SNX18: variants seen among roughly 807,000 people sequenced by gnomAD.
SNX18 encodes sorting nexin 18.
Under a neutral mutation model 48.7 loss-of-function variants are expected in SNX18, and 35 were observed. The observed-to-expected ratio is 0.72, with a 90% CI of 0.55 to 0.95. The LOEUF is 0.95. Ranked by LOEUF, SNX18 falls within the 40% of genes least tolerant of loss-of-function variation. SNX18 has a pLI of 0.00. For synonymous variants in SNX18, 492 were observed against 384.7 expected (o/e 1.28, Z -3.26); for missense variants, 824 against 871.0 (o/e 0.95, Z 0.68).
the SNX18 span, among the ~76,000 whole-genome samples, chr5:54,611,009 C>T: frequency 1.3e-5 from 2 of 152,172 alleles, no homozygotes. Context: ...TAATCCAGAA[C>T]AGAACAGACT....
chr5:54,604,747 A>C, the SNX18 span, among the ~76,000 whole-genome samples: 1 of 152,198 alleles, frequency 6.6e-6, no homozygotes, highest in Non-Finnish European at 1.5e-5. Flanking sequence ...TGTATACTTT[A>C]AAAAATGGTT....
the SNX18 span, among the ~76,000 whole-genome samples, chr5:54,618,830 A>G: frequency 6.6e-6 from 1 of 151,544 alleles, no homozygotes; most frequent in African/African-American, 2.4e-5. Flanking sequence ...GCTAAAAAAA[A>G]TCAATAAGTA....
the SNX18 span, among the ~76,000 whole-genome samples, chr5:54,575,433 C>A: frequency 7.1e-5 from 10 of 140,392 alleles, no homozygotes; most frequent in Non-Finnish European, 1.0e-4. Flanking sequence ...AGTGCAGTGG[C>A]ATGATCTCAG....
intron 1 of SNX18, among the ~76,000 whole-genome samples, chr5:54,522,974 G>A (rs1000586166): frequency 3.9e-5 from 6 of 152,176 alleles, no homozygotes; most frequent in African/African-American, 7.2e-5. Flanking sequence ...GGAGTTGAGC[G>A]AAGAAAGACG....
chr5:54,596,303 G>A, the SNX18 span, among the ~76,000 whole-genome samples: 3 of 152,016 alleles, frequency 2.0e-5, no homozygotes, highest in African/African-American at 2.4e-5. Context: ...CCCGTCTGAG[G>A]GCCAGCACTA....
At chr5:54,607,375 C>T in the SNX18 span, among the ~76,000 whole-genome samples, 2 of 152,172 alleles carry the variant, frequency 1.3e-5, no homozygotes, top group Non-Finnish European at 2.9e-5. Context: ...GGGAAGCTTT[C>T]CCAGCTGTCT....
Position 54,519,474 on chromosome 5 carries a change from G to T in SNX18, c.1522G>T (p.Ala508Ser), listed in dbSNP as rs1423244826. Residue 508 changes from alanine (A) to serine (S), a missense_variant, in exon 1 of 2, where the codon GCG becomes TCG. Ala to Ser is a moderately conservative substitution (Grantham distance 99, BLOSUM62 1). Transcript: ENST00000381410. ...DAYDAIGELF[A>S]EQPRQDLDPV... ...CTATGACGCCATTGGCGAGCTCTTC[G>T]CGGAGCAGCCCAGGCAGGACCTGGA... is the stretch of plus-strand genomic sequence containing the variant. 6.2e-7 allele frequency: 1 copy of T among 1,614,168 alleles called. No homozygotes were observed. The highest frequency in any genetic ancestry group is 1.7e-5 in the Admixed American group (1 of 60,020).
chr5:54,593,601 A>G, the SNX18 span, among the ~76,000 whole-genome samples: 2 of 152,242 alleles, frequency 1.3e-5, no homozygotes, highest in Non-Finnish European at 2.9e-5. Flanking sequence ...CAAATTTGAG[A>G]AAGATGAACG....
the SNX18 span, among the ~76,000 whole-genome samples, chr5:54,576,810 T>C: frequency 4.4e-4 from 53 of 120,400 alleles, no homozygotes; most frequent in African/African-American, 1.4e-3. Flanking sequence ...TGCTTGCTTG[T>C]TTGTCTTTTG....
the SNX18 span, among the ~76,000 whole-genome samples, chr5:54,554,179 C>T: frequency 6.6e-6 from 1 of 152,228 alleles, no homozygotes; most frequent in Non-Finnish European, 1.5e-5. Context: ...AAACAAATAT[C>T]TGCAAATGAG....
chr5:54,532,319 C>CTTTTT (rs57856245), intron 1 of SNX18, among the ~76,000 whole-genome samples: 2 of 130,992 alleles, frequency 1.5e-5, no homozygotes, highest in African/African-American at 2.9e-5. Context: ...TTTTTTTTTT[C>CTTTTT]TTTTTTTTTT....
chr5:54,603,970 C>T, the SNX18 span, among the ~76,000 whole-genome samples: 2 of 152,190 alleles, frequency 1.3e-5, no homozygotes, highest in African/African-American at 2.4e-5. Context: ...AGAACACTAA[C>T]AATTACTGAA....
chr5:54,543,490 A>G lies in SNX18; in HGVS notation c.*58A>G. On this transcript the variant is annotated 3_prime_UTR_variant, in exon 2 of 2. Transcript: ENST00000381410. ...TCAAGGATAATTTCTACAGCAGAAT[A>G]AAAACTGCTGTCAAAGAGCTATTGC... The G allele has an allele frequency of 6.4e-7, 1 of 1,572,378 alleles. No individual in the cohort carries two copies. The highest frequency in any genetic ancestry group is 8.6e-7 in the Non-Finnish European group (1 of 1,157,710).
downstream of SNX18, among the ~76,000 whole-genome samples, chr5:54,549,184 A>C: frequency 6.6e-6 from 1 of 152,236 alleles, no homozygotes; most frequent in East Asian, 1.9e-4. Flanking sequence ...TGGCAGGTGG[A>C]AAGCCCTGAG....
intron 1 of SNX18, 134 bp downstream of exon 1, chr5:54,519,707 C>T: frequency 6.2e-7 from 1 of 1,614,198 alleles, no homozygotes; most frequent in East Asian, 2.2e-5. Context: ...ACGTGGACGC[C>T]TGGGTCTTTT....
chr5:54,519,698 C>T (rs2112834606), intron 1 of SNX18, 125 bp downstream of exon 1: 1 of 1,614,180 alleles, frequency 6.2e-7, no homozygotes, highest in East Asian at 2.2e-5. Context: ...CGAGCAGAGA[C>T]GTGGACGCCT....
At chr5:54,636,794 C>G in the SNX18 span, among the ~76,000 whole-genome samples, 1 of 152,290 alleles carries the variant, frequency 6.6e-6, no homozygotes, top group South Asian at 2.1e-4. Flanking sequence ...ATATTAAGCA[C>G]TTTAGAACTC....
At chr5:54,564,938 TA>T in the SNX18 span, among the ~76,000 whole-genome samples, 1 of 152,128 alleles carries the variant, frequency 6.6e-6, no homozygotes, top group Non-Finnish European at 1.5e-5. Context: ...GGGTCTAGGG[TA>T]AAATTCGTTT....
the SNX18 span, among the ~76,000 whole-genome samples, chr5:54,630,147 T>C: frequency 2.0e-5 from 3 of 152,160 alleles, no homozygotes; most frequent in African/African-American, 4.8e-5. Flanking sequence ...CAGTGAACAA[T>C]TGACAAATGT....
Sources: allele counts gnomAD v4.1 joint callset (sites outside exome capture counted in the v4.1 genomes callset), GRCh38; gene constraint gnomAD v4.1.1; transcripts MANE v1.5; gene names NCBI Gene and HGNC (gene_info 2026-07-23, HGNC 2026-07-21).